The following FAM118A variants were observed in gnomAD, a reference collection of about 807,000 sequenced individuals.
FAM118A encodes the protein SIR2 antiphage like 2, also known as protein FAM118A.
Under a neutral mutation model 38.2 loss-of-function variants are expected in FAM118A, and 25 were observed. That is an observed-to-expected ratio of 0.65 (90% CI 0.48 to 0.91). The LOEUF is 0.91. FAM118A is among the 40% of genes least tolerant of loss of function. The pLI, the probability that FAM118A is intolerant of heterozygous loss-of-function variation, is 0.00. For missense variants in FAM118A, 425 were observed against 463.3 expected, an observed-to-expected ratio of 0.92 and a Z score of 0.76; for synonymous variants, 178 against 184.1, an observed-to-expected ratio of 0.97 and a Z score of 0.27.
chr22:45,325,454 C>T (rs1374705333), intron 3 of FAM118A, among the ~76,000 whole-genome samples: 2 of 152,098 alleles, frequency 1.3e-5, no homozygotes, highest in Non-Finnish European at 2.9e-5. Context: ...ATTGTAGACT[C>T]TAAGCTGCTT....
chr22:45,331,614 C>G (rs2085726563), intron 5 of FAM118A, among the ~76,000 whole-genome samples: 1 of 152,188 alleles, frequency 6.6e-6, no homozygotes, highest in Admixed American at 6.5e-5. Context: ...AACTCGGTGT[C>G]TGTGGATTTA....
At chr22:45,324,863 G>T (rs1433419474) in intron 3 of FAM118A, among the ~76,000 whole-genome samples, 1 of 152,158 alleles carries the variant, frequency 6.6e-6, no homozygotes. Context: ...CCTGGCCAAT[G>T]TGATGAAACT....
chr22:45,311,782 G>C lies in FAM118A; in HGVS notation c.-10+1599G>C, dbSNP rs568447478. Among the ~76,000 whole-genome samples the C allele has an allele frequency of 4.9e-3, 750 of 152,248 alleles. 4 individuals are homozygous for C. The highest frequency in any genetic ancestry group is 0.017 in the African/African-American group (710 of 41,534). On this transcript the variant is annotated intron_variant, in intron 1 of 8. Transcript: ENST00000441876. ...TGACCTGGACCAAGGCGGTGGTAGT[G>C]GGGGACTGTGGCTTTCTGGAACGGG...
intron 7 of FAM118A, 126 bp from the exon 8 acceptor site, chr22:45,336,202 T>C: frequency 1.6e-6 from 1 of 643,524 alleles, no homozygotes; most frequent in Non-Finnish European, 2.7e-6. Context: ...CGTAGCGTGG[T>C]TGATGTCATC....
intron 2 of FAM118A, 140 bp from the exon 3 acceptor site, chr22:45,323,035 A>T: frequency 1.4e-6 from 1 of 739,692 alleles, no homozygotes; most frequent in Non-Finnish European, 2.0e-6. Flanking sequence ...ACAGCGTCAG[A>T]GGGGACTGTG....
intron 3 of FAM118A, 36 bp downstream of exon 3, chr22:45,323,463 G>A (rs1395512883): frequency 6.3e-7 from 1 of 1,599,454 alleles, no homozygotes; most frequent in African/African-American, 1.3e-5. Context: ...GGGACAGCTT[G>A]GTTCTGCAGC....
intron 6 of FAM118A, chr22:45,334,963 G>C (rs1464939421): frequency 5.1e-6 from 1 of 196,488 alleles, no homozygotes. Flanking sequence ...GTTGGGGCAG[G>C]CAAGTGGATT....
intron 3 of FAM118A, among the ~76,000 whole-genome samples, chr22:45,324,943 A>G (rs2085154199): frequency 6.6e-6 from 1 of 152,324 alleles, no homozygotes; most frequent in East Asian, 1.9e-4. Context: ...GCTACTCAGG[A>G]GGCTGAGGCA....
intron 6 of FAM118A, among the ~76,000 whole-genome samples, chr22:45,334,873 A>G (rs937290360): frequency 1.3e-5 from 2 of 152,164 alleles, no homozygotes; most frequent in Non-Finnish European, 2.9e-5. Context: ...GAAGAACAGG[A>G]CCCAGAGTAA....
chr22:45,318,662 T>G (rs1056812598), intron 1 of FAM118A: 1 of 152,224 alleles, frequency 6.6e-6, no homozygotes, highest in Non-Finnish European at 1.5e-5. Flanking sequence ...AAACATGTAG[T>G]GTGATAATGA....
At chr22:45,309,681 G>A (rs2084279149), upstream of FAM118A, 2 of 152,278 alleles carry the variant, frequency 1.3e-5, no homozygotes, top group African/African-American at 4.8e-5. Context: ...CTAGGCCCAA[G>A]CGCTCCCCAG....
chr22:45,317,806 GC>G (rs1438563270), intron 1 of FAM118A, among the ~76,000 whole-genome samples: 5 of 152,246 alleles, frequency 3.3e-5, no homozygotes, highest in African/African-American at 9.6e-5. Context: ...CAAGTGGCAG[GC>G]CAGAGCTCTG....
At chr22:45,319,296 G>A (rs1420924656) in intron 1 of FAM118A, among the ~76,000 whole-genome samples, 1 of 152,172 alleles carries the variant, frequency 6.6e-6, no homozygotes, top group Non-Finnish European at 1.5e-5. Flanking sequence ...AACTAAACAA[G>A]CCCTTCTCAT....
chr22:45,328,739 C>T, intron 4 of FAM118A: 1 of 480,316 alleles, frequency 2.1e-6, no homozygotes, highest in Non-Finnish European at 3.8e-6. Flanking sequence ...GCTGAGATCA[C>T]TGTACTCCAG....
intron 3 of FAM118A, among the ~76,000 whole-genome samples, chr22:45,324,380 CG>C (rs1251528373): frequency 2.0e-5 from 3 of 151,904 alleles, no homozygotes; most frequent in Non-Finnish European, 2.9e-5. Flanking sequence ...TGTGCGTGCG[CG>C]GGGAGTGCGT....
upstream of FAM118A, chr22:45,309,734 AC>A (rs1402482347): frequency 6.6e-6 from 1 of 151,874 alleles, no homozygotes; most frequent in African/African-American, 2.4e-5. Context: ...TGCGCTGGAG[AC>A]CCCGGGGGCG....
Position 45,323,271 on chromosome 22 carries a change from C to A in FAM118A, c.144C>A (p.Ala48=). The A allele has an allele frequency of 3.1e-6, 5 of 1,614,184 alleles. No individual in the cohort carries two copies. Among genetic ancestry groups the A allele is most frequent in the Non-Finnish European group, 3.4e-6 (4 of 1,180,016 alleles). Residue 48 remains alanine, a synonymous_variant, in exon 3 of 9, where the codon GCC becomes GCA. Transcript: ENST00000441876. The part of the protein sequence containing the change: ...VSAAVAPGIP[A]LCSWRSCIEA... The stretch of plus-strand genomic sequence containing the variant: ...CAGCAGTGGCCCCCGGAATCCCTGC[C>A]CTTTGCTCGTGGAGAAGCTGCATCG...
At chr22:45,312,918 T>C (rs533386240) in intron 1 of FAM118A, among the ~76,000 whole-genome samples, 1 of 152,142 alleles carries the variant, frequency 6.6e-6, no homozygotes, top group Non-Finnish European at 1.5e-5. Flanking sequence ...GACTTAAGCA[T>C]GTAGGCATGC....
At chr22:45,317,291 A>G (rs2084647358) in intron 1 of FAM118A, among the ~76,000 whole-genome samples, 1 of 152,188 alleles carries the variant, frequency 6.6e-6, no homozygotes, top group Non-Finnish European at 1.5e-5. Flanking sequence ...AGGCAGGAGA[A>G]TTGCTTGAAC....
Sources: allele counts gnomAD v4.1 joint callset (sites outside exome capture counted in the v4.1 genomes callset), GRCh38; gene constraint gnomAD v4.1.1; transcripts MANE v1.5; gene names NCBI Gene and HGNC (gene_info 2026-07-23, HGNC 2026-07-21).